RYR3: variants seen among roughly 807,000 people sequenced by gnomAD.
RYR3 encodes brain ryanodine receptor-calcium release channel.
A neutral mutation model predicts 584.3 loss-of-function variants in RYR3; 207 were observed. The ratio of observed to expected loss-of-function variants is 0.35; its 90% CI spans 0.32 to 0.40. The LOEUF (loss-of-function observed/expected upper bound fraction) is 0.40. RYR3 is among the 10% of genes least tolerant of loss of function. The probability of loss-of-function intolerance (pLI) is 1.00; values close to 1 mark genes in which losing one functional copy is unlikely to be tolerated. For synonymous variants in RYR3, 2,416 were observed against 2,248.5 expected (o/e 1.07, Z -2.11); for missense variants, 5,616 against 6,089.2 (o/e 0.92, Z 2.59).
At chr15:33,757,672 AG>A in intron 60 of RYR3, 76 bp downstream of exon 60, 1 of 1,498,018 alleles carries the variant, frequency 6.7e-7, no homozygotes, top group African/African-American at 1.4e-5. Context: ...GTGGACTAAA[AG>A]GCGAGTCTTT....
chr15:33,452,069 G>A lies in RYR3; in HGVS notation c.52-21350G>A, dbSNP rs146422485. On this transcript the variant is annotated intron_variant, in intron 1 of 103. Transcript: ENST00000634891. ...AACAACCAAACAGACGTGATAGTGG[G>A]ACAAGACTCTGGGGCCAGGCCATGT... Among the ~76,000 whole-genome samples, 105 of 152,356 alleles carry A rather than the reference G, an allele frequency of 6.9e-4. No homozygotes were observed. The East Asian group carries it at 6.9e-3, about 10-fold the overall frequency.
At chr15:33,797,754 A>G (rs1197199801) in intron 67 of RYR3, among the ~76,000 whole-genome samples, 3 of 152,118 alleles carry the variant, frequency 2.0e-5, no homozygotes, top group Non-Finnish European at 4.4e-5. Context: ...TTCCTTGGCT[A>G]GATAGGATAT....
chr15:33,699,310 T>TTCCTCACTTTCTCTCCTCACTTTCTC, intron 40 of RYR3, among the ~76,000 whole-genome samples: 1 of 131,616 alleles, frequency 7.6e-6, no homozygotes, highest in South Asian at 2.8e-4. Context: ...TCCTCACTCT[T>TTCCTCACTTTCTCTCCTCACTTTCTC]TCCTCACTTT....
chr15:33,687,163 A>G (rs11630389), intron 38 of RYR3, among the ~76,000 whole-genome samples: 5,445 of 152,296 alleles, frequency 0.036, 125 homozygotes, highest in Non-Finnish European at 0.055. Context: ...TATATTTAGA[A>G]AACCCCATCA....
At chr15:33,714,497 C>T (rs16957769) in intron 43 of RYR3, among the ~76,000 whole-genome samples, 8 of 152,154 alleles carry the variant, frequency 5.3e-5, no homozygotes, top group South Asian at 4.1e-4. Flanking sequence ...CTATTTTCCC[C>T]GCAGTTGCAG....
At chr15:33,434,199 CA>C (rs1233677591) in intron 1 of RYR3, among the ~76,000 whole-genome samples, 6 of 152,274 alleles carry the variant, frequency 3.9e-5, no homozygotes, top group African/African-American at 1.4e-4. Flanking sequence ...CCCATCAAAC[CA>C]GTAAATGTAG....
At chr15:33,667,492 G>A (rs2063549672) in intron 36 of RYR3, among the ~76,000 whole-genome samples, 1 of 152,006 alleles carries the variant, frequency 6.6e-6, no homozygotes, top group Non-Finnish European at 1.5e-5. Flanking sequence ...AGTGGTTACG[G>A]TATCTAGAAA....
intron 1 of RYR3, among the ~76,000 whole-genome samples, chr15:33,444,119 G>T (rs528160546): frequency 6.6e-6 from 1 of 152,276 alleles, no homozygotes; most frequent in Admixed American, 6.5e-5. Context: ...ATAGTAAAAA[G>T]TTTTTGGTGG....
At chr15:33,505,516 G>C (rs1427301528) in intron 3 of RYR3, among the ~76,000 whole-genome samples, 1 of 152,182 alleles carries the variant, frequency 6.6e-6, no homozygotes, top group East Asian at 1.9e-4. Flanking sequence ...TGTTGAGACG[G>C]AGTCTTGCTC....
chr15:33,739,385 C>T (rs967357295), intron 50 of RYR3, among the ~76,000 whole-genome samples: 1 of 152,120 alleles, frequency 6.6e-6, no homozygotes, highest in Admixed American at 6.5e-5. Context: ...GGATATTGAG[C>T]AGCCTGCTGA....
intron 35 of RYR3, among the ~76,000 whole-genome samples, chr15:33,663,303 A>G (rs1414199957): frequency 1.3e-5 from 2 of 152,210 alleles, no homozygotes; most frequent in Non-Finnish European, 2.9e-5. Flanking sequence ...CTTCCTGGGA[A>G]ACTATTTTCT....
intron 44 of RYR3, 55 bp from the exon 45 acceptor site, chr15:33,724,009 CA>C: frequency 1.1e-6 from 1 of 921,982 alleles, no homozygotes; most frequent in Non-Finnish European, 1.8e-6. Flanking sequence ...TTATGTCTCG[CA>C]GCATGGCAGT....
At chr15:33,411,784 C>T (rs994781470) in intron 1 of RYR3, among the ~76,000 whole-genome samples, 2 of 152,078 alleles carry the variant, frequency 1.3e-5, no homozygotes, top group Non-Finnish European at 2.9e-5. Context: ...TGGTCTCCTC[C>T]CTCTGGTTGC....
chr15:33,583,487 A>G (rs1418509178), intron 14 of RYR3, among the ~76,000 whole-genome samples: 2 of 152,180 alleles, frequency 1.3e-5, no homozygotes. Context: ...TATTGTCTCC[A>G]TTGCCTACTT....
At chr15:33,791,267 G>C (rs1172057229) in intron 67 of RYR3, among the ~76,000 whole-genome samples, 1 of 152,156 alleles carries the variant, frequency 6.6e-6, no homozygotes, top group Non-Finnish European at 1.5e-5. Flanking sequence ...ATGTAAGAGA[G>C]AGACAATTTC....
At chr15:33,537,638 T>C (rs1207315259) in intron 5 of RYR3, among the ~76,000 whole-genome samples, 1 of 152,202 alleles carries the variant, frequency 6.6e-6, no homozygotes, top group Non-Finnish European at 1.5e-5. Context: ...GACTTGCTTT[T>C]ATTTTCTGAA....
At chr15:33,378,989 A>G (rs2040956863) in intron 1 of RYR3, among the ~76,000 whole-genome samples, 1 of 152,236 alleles carries the variant, frequency 6.6e-6, no homozygotes, top group Admixed American at 6.5e-5. Context: ...GTGTTTTAAT[A>G]TTACACTTAG....
Position 33,859,613 on chromosome 15 carries a change from A to T in RYR3, c.14181A>T (p.Gly4727=), listed in dbSNP as rs544303070. The change falls in exon 100 of 104, where the codon GGA becomes GGT. Residue 4727 remains glycine, a synonymous_variant. Transcript: ENST00000634891. ...ACATGTACGTGGGAGTGAGAGCAGG[A>T]GGTGGCATTGGTGATGAAATTGAAG... ...LFHMYVGVRA[G]GGIGDEIEDP... The T allele has an allele frequency of 3.1e-6, 5 of 1,614,018 alleles. No individual in the cohort carries two copies. Among genetic ancestry groups the T allele is most frequent in the Admixed American group, 1.7e-5 (1 of 60,018 alleles).
In RYR3 at chr15:33,771,532, C is replaced by CAA. The variant is rs59629282; in HGVS notation, c.8817-377_8817-376dup. ...CTGGTGACAGGGTGAGACGCTGTCT[C>CAA]AAAAAAAAAAAAGTTGTTTATCCCA... On this transcript the variant is annotated intron_variant, in intron 62 of 103. Transcript: ENST00000634891. Among the ~76,000 whole-genome samples, 1,134 of 148,078 alleles carry CAA rather than the reference C, an allele frequency of 7.7e-3. 6 individuals are homozygous for CAA. Among genetic ancestry groups the CAA allele is most frequent in the Non-Finnish European group, 0.011 (766 of 66,836 alleles).
Sources: gnomAD v4.1 joint callset for allele counts (sites outside exome capture counted in the v4.1 genomes callset) on GRCh38, gnomAD v4.1.1 for gene constraint, MANE v1.5 for transcripts, NCBI Gene and HGNC (gene_info 2026-07-23, HGNC 2026-07-21) for gene names.